CSMD2: variants seen among roughly 807,000 people sequenced by gnomAD.
The protein encoded by CSMD2 is CUB and sushi domain-containing protein 2.
A neutral mutation model predicts 398.5 loss-of-function variants in CSMD2; 130 were observed. The ratio of observed to expected loss-of-function variants is 0.33; its 90% CI spans 0.28 to 0.38. The LOEUF (loss-of-function observed/expected upper bound fraction) is 0.38. Among genes scored for constraint, CSMD2 ranks in the 10% least tolerant of loss-of-function variants. The pLI is 1.00. For missense variants in CSMD2, 3,829 were observed against 4,764.9 expected (o/e 0.80, Z 5.78); for synonymous variants, 1,828 against 1,908.5 (o/e 0.96, Z 1.10).
chr1:33,542,634 A>T (rs1656462527), intron 58 of CSMD2, 86 bp downstream of exon 58: 1 of 1,253,524 alleles, frequency 8.0e-7, no homozygotes, highest in South Asian at 1.5e-5. Context: ...ACCATTCTGC[A>T]CCATCTTCCA....
At chr1:33,527,349 A>AGAC in intron 64 of CSMD2, 91 bp from the exon 65 acceptor site, 2 of 1,028,632 alleles carry the variant, frequency 1.9e-6, no homozygotes, top group Non-Finnish European at 2.9e-6. Context: ...ACCTTAGGTC[A>AGAC]ATGGGTTCTT....
intron 58 of CSMD2, among the ~76,000 whole-genome samples, chr1:33,542,497 G>A (rs933838084): frequency 2.6e-5 from 4 of 152,230 alleles, no homozygotes; most frequent in Non-Finnish European, 4.4e-5. Flanking sequence ...GAGTTACGGA[G>A]TTATGGTGAA....
intron 28 of CSMD2, among the ~76,000 whole-genome samples, chr1:33,647,447 A>C (rs1486614829): frequency 6.6e-6 from 1 of 152,220 alleles, no homozygotes; most frequent in Non-Finnish European, 1.5e-5. Flanking sequence ...TAGTTGAGCA[A>C]ATTGAATATT....
intron 49 of CSMD2, among the ~76,000 whole-genome samples, chr1:33,573,052 G>C (rs199711415): frequency 2.2e-5 from 3 of 136,146 alleles, no homozygotes; most frequent in African/African-American, 8.2e-5. Flanking sequence ...ACTGAGGGGG[G>C]ATCTCTCTTA....
Position 33,856,409 on chromosome 1 carries a change from G to A in CSMD2, c.921-9413C>T, listed in dbSNP as rs536129861. ...CCCAGCCTGGCCTCCACTGGCTCCT[G>A]CTTTCCCAGCCTTGCCCACTTTCCA... is the stretch of plus-strand genomic sequence containing the variant. On this transcript the variant is annotated intron_variant, in intron 5 of 70. Coordinates refer to ENST00000373381, the MANE Select transcript of CSMD2 (RefSeq NM_001281956.2). Among the ~76,000 whole-genome samples the A allele has an allele frequency of 7.4e-4, 112 of 152,282 alleles. 1 individual carries two copies. Among genetic ancestry groups the A allele is most frequent in the Middle Eastern group, 3.4e-3 (1 of 294 alleles).
At chr1:33,671,402 G>T (rs1484376297) in intron 25 of CSMD2, among the ~76,000 whole-genome samples, 1 of 152,058 alleles carries the variant, frequency 6.6e-6, no homozygotes, top group Non-Finnish European at 1.5e-5. Flanking sequence ...CTGGGCCCCT[G>T]GTTCTCCCTC....
intron 3 of CSMD2, among the ~76,000 whole-genome samples, chr1:34,029,318 C>T (rs1401187947): frequency 6.6e-6 from 1 of 152,152 alleles, no homozygotes; most frequent in Admixed American, 6.5e-5. Context: ...GTGAATCTCC[C>T]CTCCTCCACC....
chr1:33,975,068 G>A (rs547133437), intron 3 of CSMD2, among the ~76,000 whole-genome samples: 1 of 152,284 alleles, frequency 6.6e-6, no homozygotes, highest in South Asian at 2.1e-4. Context: ...GACTGCCCCT[G>A]GCTGGGCAAG....
Position 33,739,120 on chromosome 1 carries a change from C to T in CSMD2, c.2368+20G>A, listed in dbSNP as rs1188881582. ...TCTCTGGCTGACAATGGCCACTGCT[C>T]CCAGCCTGCAGGCTCGTACCTTCAC... On this transcript the variant is annotated intron_variant, in intron 15 of 70. Transcript: ENST00000373381. 1 of 1,602,996 alleles carries T rather than the reference C, an allele frequency of 6.2e-7. No homozygotes were observed. The highest frequency in any genetic ancestry group is 1.3e-5 in the African/African-American group (1 of 74,534).
At chr1:34,138,078 TG>T (rs1447067476) in intron 1 of CSMD2, among the ~76,000 whole-genome samples, 3 of 152,214 alleles carry the variant, frequency 2.0e-5, no homozygotes, top group Admixed American at 6.5e-5. Flanking sequence ...CACAATCATG[TG>T]AATCATAAGT....
At chr1:33,880,847 A>G (rs572718917) in intron 5 of CSMD2, among the ~76,000 whole-genome samples, 1 of 152,322 alleles carries the variant, frequency 6.6e-6, no homozygotes, top group South Asian at 2.1e-4. Flanking sequence ...AATATAAAGC[A>G]TTTTCAGCAT....
intron 3 of CSMD2, among the ~76,000 whole-genome samples, chr1:33,960,449 A>G (rs534299523): frequency 6.6e-6 from 1 of 152,318 alleles, no homozygotes; most frequent in East Asian, 1.9e-4. Context: ...GTTTCTTCCT[A>G]ATTATTCAAT....
At chr1:33,947,797 C>T (rs513617) in intron 3 of CSMD2, among the ~76,000 whole-genome samples, 42,817 of 152,140 alleles carry the variant, frequency 0.28, 6,350 homozygotes, top group Middle Eastern at 0.45. Context: ...CCATCGCTTA[C>T]GGACCACTTC....
Position 33,519,960 on chromosome 1 carries a change from C to T in CSMD2, c.10598-10G>A. The T allele has an allele frequency of 6.2e-7, 1 of 1,613,438 alleles. No individual in the cohort carries two copies. Among genetic ancestry groups the T allele is most frequent in the Non-Finnish European group, 8.5e-7 (1 of 1,179,442 alleles). On this transcript the variant is annotated splice_polypyrimidine_tract_variant and intron_variant, in intron 68 of 70. Transcript: ENST00000373381. This position sits in a 1 kb window ranked among gnomAD's most constrained non-coding sequence, Gnocchi z 5.6. ...TCCAGCAGCCTGAGGTCTGTAAAGT[C>T]CCAAAGCAGAAAAGTCAAGTCACGA...
chr1:33,642,126 C>G (rs990013159), intron 29 of CSMD2, among the ~76,000 whole-genome samples: 1 of 152,014 alleles, frequency 6.6e-6, no homozygotes, highest in African/African-American at 2.4e-5. Flanking sequence ...GTGGGTGGAT[C>G]ACTGGAGGTC....
chr1:34,048,502 A>G (rs1570933755), intron 2 of CSMD2, among the ~76,000 whole-genome samples: 1 of 152,050 alleles, frequency 6.6e-6, no homozygotes, highest in South Asian at 2.1e-4. Context: ...GTGCCCACCT[A>G]CCCCCTCGGA....
chr1:33,753,561 G>C (rs1648560799), intron 13 of CSMD2, among the ~76,000 whole-genome samples: 1 of 152,240 alleles, frequency 6.6e-6, no homozygotes, highest in Non-Finnish European at 1.5e-5. Flanking sequence ...CCCACACAGA[G>C]TCCCACCAGT....
intron 45 of CSMD2, 126 bp from the exon 46 acceptor site, chr1:33,586,743 C>A: frequency 1.5e-6 from 1 of 648,354 alleles, no homozygotes; most frequent in South Asian, 1.8e-5. Context: ...ACTAGCTCAG[C>A]TCCCATCAAA....
chr1:34,056,793 G>A (rs1653880612), intron 2 of CSMD2, among the ~76,000 whole-genome samples: 1 of 152,154 alleles, frequency 6.6e-6, no homozygotes, highest in Non-Finnish European at 1.5e-5. Context: ...GCTTATTTGG[G>A]AGTTGACCCT....
Sources: allele counts gnomAD v4.1 joint callset (sites outside exome capture counted in the v4.1 genomes callset), GRCh38; gene constraint gnomAD v4.1.1; non-coding constraint Gnocchi (gnomAD v3.1); transcripts MANE v1.5; gene names NCBI Gene and HGNC (gene_info 2026-07-23, HGNC 2026-07-21).